The following RSU1 variants were observed in gnomAD, a reference collection of about 807,000 sequenced individuals.
RSU1 encodes Ras suppressor protein 1, also known as rsu-1.
RSU1 carries 26 observed loss-of-function variants against 31.1 expected under a neutral mutation model. The observed-to-expected ratio is 0.84, with a 90% CI of 0.61 to 1.16. The LOEUF (loss-of-function observed/expected upper bound fraction) is 1.16, where lower values mean the gene tolerates loss of function less well. Among genes scored for constraint, RSU1 ranks in the 50% most tolerant of loss-of-function variants. RSU1 has a pLI of 0.00. For missense variants in RSU1, 320 were observed against 339.1 expected (o/e 0.94, Z 0.44); for synonymous variants, 164 against 136.3 (o/e 1.20, Z -1.41).
At chr10:16,754,528 T>C (rs1234669510) in intron 5 of RSU1, among the ~76,000 whole-genome samples, 2 of 150,088 alleles carry the variant, frequency 1.3e-5, no homozygotes, top group Non-Finnish European at 2.9e-5. Context: ...AAAGAATTAA[T>C]AGCAACATAG....
chr10:16,617,520 T>C (rs1370543718), intron 8 of RSU1, among the ~76,000 whole-genome samples: 4 of 152,108 alleles, frequency 2.6e-5, no homozygotes, highest in Non-Finnish European at 5.9e-5. Flanking sequence ...AAAGAGCCCA[T>C]ATAGCCAAGA....
chr10:16,603,408 T>A (rs1833746189), intron 8 of RSU1, among the ~76,000 whole-genome samples: 1 of 152,252 alleles, frequency 6.6e-6, no homozygotes, highest in Non-Finnish European at 1.5e-5. Context: ...TCATCCTGTC[T>A]ACTCTAATGA....
intron 7 of RSU1, among the ~76,000 whole-genome samples, chr10:16,746,581 G>A (rs185463932): frequency 9.3e-4 from 141 of 151,756 alleles, no homozygotes; most frequent in African/African-American, 3.3e-3. Context: ...ACACAACAGC[G>A]GTCTCATCGG....
chr10:16,736,675 T>C (rs1836634931), intron 7 of RSU1, among the ~76,000 whole-genome samples: 1 of 148,274 alleles, frequency 6.7e-6, no homozygotes, highest in Non-Finnish European at 1.5e-5. Context: ...ACATTCAGAG[T>C]AAGAGGAAAA....
At chr10:16,649,628 C>T (rs1484416135) in intron 8 of RSU1, among the ~76,000 whole-genome samples, 1 of 152,134 alleles carries the variant, frequency 6.6e-6, no homozygotes, top group African/African-American at 2.4e-5. Flanking sequence ...CTATTAAGTT[C>T]TTTATAGGCA....
intron 8 of RSU1, among the ~76,000 whole-genome samples, chr10:16,681,853 A>G (rs1835332927): frequency 6.6e-6 from 1 of 152,324 alleles, no homozygotes; most frequent in East Asian, 1.9e-4. Context: ...AATTTATAAT[A>G]AAAATCAATC....
chr10:16,802,481 A>C (rs1255098821), intron 2 of RSU1, among the ~76,000 whole-genome samples: 1 of 152,132 alleles, frequency 6.6e-6, no homozygotes, highest in Non-Finnish European at 1.5e-5. Flanking sequence ...TTTACTCATG[A>C]ATTCTACCAA....
rs1161223520 is a variant in RSU1, at chr10:16,592,446, TGGTTTCCA to T, written c.*940_*947del. On this transcript the variant is annotated 3_prime_UTR_variant, in exon 9 of 9. Transcript: ENST00000345264. ...TGATTGTTTAATGACTCTGCAACTG[TGGTTTCCA>T]CCCTGGGTGTGGTGTAGCGCGTGCA... is the stretch of plus-strand genomic sequence containing the variant. 6.6e-6 allele frequency: 1 copy of T among 152,202 alleles called. No homozygotes were observed. Among genetic ancestry groups the T allele is most frequent in the Non-Finnish European group, 1.5e-5 (1 of 68,030 alleles). 9.4% of individuals were successfully genotyped at this position (152,202 alleles called of 1,614,324 possible). A position where few individuals can be genotyped will look rare whatever the true frequency, so the allele number is the denominator to read the frequency against.
At chr10:16,745,619 C>G (rs1035957099) in intron 7 of RSU1, among the ~76,000 whole-genome samples, 4 of 148,876 alleles carry the variant, frequency 2.7e-5, no homozygotes, top group African/African-American at 9.7e-5. Context: ...ATCACAAGAA[C>G]GGCACAGGAA....
At chr10:16,703,765 G>A (rs1283454281) in intron 7 of RSU1, among the ~76,000 whole-genome samples, 2 of 152,058 alleles carry the variant, frequency 1.3e-5, no homozygotes, top group Admixed American at 1.3e-4. Context: ...AAAAAGACTA[G>A]AAGAAATACA....
chr10:16,690,818 A>C (rs1419915489), intron 8 of RSU1, among the ~76,000 whole-genome samples: 1 of 152,220 alleles, frequency 6.6e-6, no homozygotes, highest in East Asian at 1.9e-4. Context: ...TTAACTGGTT[A>C]GAAAAAAGCG....
At chr10:16,599,709 G>C (rs927851192) in intron 8 of RSU1, among the ~76,000 whole-genome samples, 3 of 152,228 alleles carry the variant, frequency 2.0e-5, no homozygotes, top group African/African-American at 7.2e-5. Context: ...GACAGCTGCC[G>C]CTTCTAACCT....
At chr10:16,764,769 G>T (rs568027035) in intron 3 of RSU1, among the ~76,000 whole-genome samples, 2 of 152,018 alleles carry the variant, frequency 1.3e-5, no homozygotes, top group African/African-American at 2.4e-5. Flanking sequence ...AATGAGGGGG[G>T]AAACAGAGCA....
At chr10:16,646,083 C>A (rs557504689) in intron 8 of RSU1, among the ~76,000 whole-genome samples, 1 of 130,944 alleles carries the variant, frequency 7.6e-6, no homozygotes, top group African/African-American at 4.0e-5. Flanking sequence ...CACACACACA[C>A]ACACACATAC....
intron 8 of RSU1, among the ~76,000 whole-genome samples, chr10:16,645,381 T>C (rs1009588292): frequency 6.6e-6 from 1 of 152,162 alleles, no homozygotes; most frequent in African/African-American, 2.4e-5. Context: ...AGAAAAAGAA[T>C]GAATCATAAT....
intron 7 of RSU1, among the ~76,000 whole-genome samples, chr10:16,747,537 C>T (rs1836879158): frequency 6.6e-6 from 1 of 152,188 alleles, no homozygotes; most frequent in African/African-American, 2.4e-5. Flanking sequence ...TAAACTGTCA[C>T]CAATTCCTGT....
chr10:16,598,216 C>G (rs1833653918), intron 8 of RSU1, among the ~76,000 whole-genome samples: 1 of 152,030 alleles, frequency 6.6e-6, no homozygotes, highest in Non-Finnish European at 1.5e-5. Context: ...CCCGTGGGCT[C>G]AGTGTCATCA....
intron 2 of RSU1, among the ~76,000 whole-genome samples, chr10:16,799,848 G>C (rs932444445): frequency 3.9e-5 from 6 of 152,128 alleles, no homozygotes; most frequent in Non-Finnish European, 8.8e-5. Flanking sequence ...GGCGGGGAGG[G>C]GATGCGGGGA....
At chr10:16,738,151 A>G (rs1836672110) in intron 7 of RSU1, among the ~76,000 whole-genome samples, 1 of 152,314 alleles carries the variant, frequency 6.6e-6, no homozygotes, top group African/African-American at 2.4e-5. Flanking sequence ...AAATGCTTAC[A>G]CTAAAAAAGA....
Sources: allele counts gnomAD v4.1 joint callset (sites outside exome capture counted in the v4.1 genomes callset), GRCh38; gene constraint gnomAD v4.1.1; transcripts MANE v1.5; gene names NCBI Gene and HGNC (gene_info 2026-07-23, HGNC 2026-07-21).